The following ATXN1 variants were observed in gnomAD, a reference collection of about 807,000 sequenced individuals.
ATXN1 encodes the protein ataxin 1, also known as ataxin-1.
In ATXN1, 8 loss-of-function variants were observed where a neutral mutation model predicts 56.4. The ratio of observed to expected loss-of-function variants is 0.14; its 90% CI spans 0.08 to 0.26. ATXN1 has a LOEUF of 0.26. ATXN1 is among the 10% of genes least tolerant of loss of function. The pLI is 1.00. For missense variants in ATXN1, 987 were observed against 1,106.5 expected (o/e 0.89, Z 1.53); for synonymous variants, 514 against 494.6 (o/e 1.04, Z -0.52).
chr6:16,605,304 G>C (rs1762983697), intron 3 of ATXN1, among the ~76,000 whole-genome samples: 1 of 152,178 alleles, frequency 6.6e-6, no homozygotes, highest in Non-Finnish European at 1.5e-5. Flanking sequence ...AATGGACCTT[G>C]AGGAGATCCC....
chr6:16,566,087 A>C (rs1469770582), intron 4 of ATXN1, among the ~76,000 whole-genome samples: 1 of 152,176 alleles, frequency 6.6e-6, no homozygotes, highest in Admixed American at 6.5e-5. Context: ...GGAAATTGAG[A>C]GCAGATTATA....
At chr6:16,366,492 T>C (rs1038050241) in intron 6 of ATXN1, among the ~76,000 whole-genome samples, 5 of 152,068 alleles carry the variant, frequency 3.3e-5, no homozygotes, top group African/African-American at 1.2e-4. Flanking sequence ...TGAAATAAAA[T>C]AGGCCAGGCT....
At chr6:16,579,918 C>T (rs545065522) in intron 4 of ATXN1, among the ~76,000 whole-genome samples, 8 of 151,478 alleles carry the variant, frequency 5.3e-5, no homozygotes, top group East Asian at 3.8e-4. Context: ...TAATTGCCAA[C>T]TCAAAAAAAA....
chr6:16,526,834 C>T (rs1046732465), intron 4 of ATXN1, among the ~76,000 whole-genome samples: 3 of 151,090 alleles, frequency 2.0e-5, no homozygotes, highest in Non-Finnish European at 4.4e-5. Flanking sequence ...TTTAAAGACT[C>T]GGGATAATGG....
intron 6 of ATXN1, among the ~76,000 whole-genome samples, chr6:16,356,959 T>G (rs1761699962): frequency 6.6e-6 from 1 of 152,132 alleles, no homozygotes; most frequent in African/African-American, 2.4e-5. Flanking sequence ...AGGACTGTGG[T>G]GACAATCAGA....
At chr6:16,519,516 C>A (rs920132637) in intron 5 of ATXN1, among the ~76,000 whole-genome samples, 1 of 152,212 alleles carries the variant, frequency 6.6e-6, no homozygotes, top group East Asian at 1.9e-4. Flanking sequence ...CTGGGCCTGG[C>A]ATTGCAGGCT....
intron 6 of ATXN1, among the ~76,000 whole-genome samples, chr6:16,348,004 C>T (rs1316844939): frequency 6.6e-6 from 1 of 152,188 alleles, no homozygotes; most frequent in Non-Finnish European, 1.5e-5. Flanking sequence ...AGACCATGAA[C>T]CCACAGGGAG....
rs1760901235 is a variant in ATXN1 at position 16,328,444 on chromosome 6, A to G, written c.-134T>C. On this transcript the variant is annotated 5_prime_UTR_variant, in exon 7 of 8. Transcript: ENST00000436367. This position sits in a 1 kb window ranked among gnomAD's most constrained non-coding sequence, Gnocchi z 6.2. The stretch of plus-strand genomic sequence containing the variant: ...CATGAGGAATCATCTCCCCGTGGGT[A>G]CAATCCGCCAACAGCAGCTCTGGAT... 4.5e-6 allele frequency: 6 copies of G among 1,321,068 alleles called. No individual in the cohort carries two copies. Among genetic ancestry groups the G allele is most frequent in the Non-Finnish European group, 5.8e-6 (6 of 1,035,358 alleles). 81.8% of individuals were successfully genotyped at this position (1,321,068 alleles called of 1,614,324 possible). A position where few individuals can be genotyped will look rare whatever the true frequency, so the allele number is the denominator to read the frequency against.
intron 2 of ATXN1, among the ~76,000 whole-genome samples, chr6:16,680,806 C>T (rs946568856): frequency 1.3e-5 from 2 of 152,188 alleles, no homozygotes; most frequent in East Asian, 3.8e-4. Flanking sequence ...TCTTTCTTCC[C>T]CCTCTTTAGG....
intron 6 of ATXN1, among the ~76,000 whole-genome samples, chr6:16,334,144 C>A (rs1053016347): frequency 2.0e-5 from 3 of 152,142 alleles, no homozygotes; most frequent in African/African-American, 7.2e-5. Flanking sequence ...TTTTGGTTAT[C>A]ATATTTCGAA....
At chr6:16,714,440 C>A (rs889806102) in intron 2 of ATXN1, among the ~76,000 whole-genome samples, 6 of 152,124 alleles carry the variant, frequency 3.9e-5, no homozygotes, top group African/African-American at 1.4e-4. Flanking sequence ...CAATCTATTC[C>A]TTTTTGTGAT....
intron 6 of ATXN1, among the ~76,000 whole-genome samples, chr6:16,457,903 G>T (rs925775937): frequency 6.6e-6 from 1 of 152,154 alleles, no homozygotes; most frequent in African/African-American, 2.4e-5. Context: ...AGGGGGAGGG[G>T]AATTTGGCCC....
chr6:16,690,633 T>A (rs913216970), intron 2 of ATXN1, among the ~76,000 whole-genome samples: 1 of 152,126 alleles, frequency 6.6e-6, no homozygotes. Context: ...AAAAAGTAAC[T>A]CAAGTGTTTA....
intron 6 of ATXN1, among the ~76,000 whole-genome samples, chr6:16,475,371 C>T (rs1387675472): frequency 1.3e-5 from 2 of 152,212 alleles, no homozygotes; most frequent in African/African-American, 4.8e-5. Flanking sequence ...GTTGCAACTG[C>T]TCACCTGTTC....
chr6:16,607,299 C>G (rs970385809), intron 3 of ATXN1, among the ~76,000 whole-genome samples: 1 of 152,220 alleles, frequency 6.6e-6, no homozygotes, highest in Non-Finnish European at 1.5e-5. Context: ...TAAGGGACCT[C>G]TCCAAGGTCC....
intron 2 of ATXN1, among the ~76,000 whole-genome samples, chr6:16,724,589 A>G (rs1759809902): frequency 6.6e-6 from 1 of 152,188 alleles, no homozygotes; most frequent in African/African-American, 2.4e-5. Flanking sequence ...AAAACTTTCT[A>G]CGGGACAACC....
Position 16,506,586 on chromosome 6 carries a change from A to G in ATXN1, c.-299+16041T>C, listed in dbSNP as rs1366697158. Reference sequence around the variant, plus strand: ...CCATTTACATGATGAATTCAATGATATATTATAATGTCTTGTTCAGAAGTG... The same window carrying G: ...CCATTTACATGATGAATTCAATGATGTATTATAATGTCTTGTTCAGAAGTG... On this transcript the variant is annotated intron_variant, in intron 5 of 7. Coordinates refer to ENST00000436367, the MANE Select transcript of ATXN1 (RefSeq NM_001128164.2). The surrounding 1 kb of genome is among the most constrained non-coding windows in gnomAD (Gnocchi z 4.1). 1.3e-5 allele frequency among the ~76,000 whole-genome samples: 2 copies of G among 152,208 alleles called. No homozygotes were observed. The highest frequency in any genetic ancestry group is 4.8e-5 in the African/African-American group (2 of 41,452).
intron 2 of ATXN1, among the ~76,000 whole-genome samples, chr6:16,729,692 A>T (rs1483896200): frequency 6.6e-6 from 1 of 152,174 alleles, no homozygotes; most frequent in Non-Finnish European, 1.5e-5. Flanking sequence ...GTTTACTGAG[A>T]TCTCACAGCC....
intron 7 of ATXN1, among the ~76,000 whole-genome samples, chr6:16,318,926 T>G (rs1330190985): frequency 6.6e-6 from 1 of 152,136 alleles, no homozygotes; most frequent in African/African-American, 2.4e-5. Context: ...CCTTAAAATG[T>G]GTGCCTTAGG....
Sources: gnomAD v4.1 joint callset for allele counts (sites outside exome capture counted in the v4.1 genomes callset) on GRCh38, gnomAD v4.1.1 for gene constraint, Gnocchi (gnomAD v3.1) non-coding constraint, MANE v1.5 for transcripts, NCBI Gene and HGNC (gene_info 2026-07-23, HGNC 2026-07-21) for gene names.